The following CAPN9 variants were observed in gnomAD, a reference collection of about 807,000 sequenced individuals.
CAPN9 encodes calpain-9.
CAPN9 carries 81 observed loss-of-function variants against 92.8 expected under a neutral mutation model. That is an observed-to-expected ratio of 0.87 (90% confidence interval 0.73 to 1.05). The LOEUF (loss-of-function observed/expected upper bound fraction) is 1.05, where lower values mean the gene tolerates loss of function less well. Ranked by LOEUF, CAPN9 falls within the 50% of genes least tolerant of loss-of-function variation. The probability of loss-of-function intolerance (pLI) is 0.00; values close to 1 mark genes in which losing one functional copy is unlikely to be tolerated. For missense variants in CAPN9, 848 were observed against 866.2 expected (o/e 0.98, Z 0.26); for synonymous variants, 304 against 328.0 (o/e 0.93, Z 0.79).
intron 13 of CAPN9, among the ~76,000 whole-genome samples, chr1:230,788,564 G>A (rs1667765457): frequency 6.6e-6 from 1 of 152,042 alleles, no homozygotes; most frequent in Non-Finnish European, 1.5e-5. Context: ...GTCACCTGGA[G>A]GGGTGATATC....
At chr1:230,764,411 C>A (rs1490787325) in intron 4 of CAPN9, among the ~76,000 whole-genome samples, 2 of 150,666 alleles carry the variant, frequency 1.3e-5, no homozygotes, top group Admixed American at 6.6e-5. Flanking sequence ...ACATCATCAA[C>A]CCCCCAATTC....
chr1:230,773,703 G>T (rs1666541099), intron 7 of CAPN9, among the ~76,000 whole-genome samples: 1 of 152,076 alleles, frequency 6.6e-6, no homozygotes, highest in African/African-American at 2.4e-5. Context: ...AGAAAATAAT[G>T]GCTGCCAGTT....
At chr1:230,751,284 C>G (rs1229484535) in intron 1 of CAPN9, among the ~76,000 whole-genome samples, 3 of 152,166 alleles carry the variant, frequency 2.0e-5, no homozygotes, top group African/African-American at 7.2e-5. Context: ...CCCATGGCCT[C>G]CACAGTGCTG....
intron 1 of CAPN9, 116 bp from the exon 2 acceptor site, chr1:230,755,221 A>C (rs1017530972): frequency 6.4e-6 from 5 of 785,504 alleles, no homozygotes; most frequent in East Asian, 2.7e-5. Flanking sequence ...CAGGGAAAAG[A>C]ATCAAGCACA....
At chr1:230,795,309 C>A (rs775335091) in intron 18 of CAPN9, 30 bp downstream of exon 18, 1 of 1,390,134 alleles carries the variant, frequency 7.2e-7, no homozygotes, top group Non-Finnish European at 1.0e-6. Context: ...GAGGGTGCAC[C>A]TCGGGGTGGC....
rs28359718 is a variant in CAPN9 at position 230,793,071 on chromosome 1, T to C, written c.1870+143T>C. The C allele has an allele frequency of 6.5e-5, 43 of 661,670 alleles. 1 individual carries two copies. The East Asian group carries it at 1.1e-3, about 17-fold the overall frequency. The allele number at this position is 661,670 out of a possible 1,614,324, so 41.0% of individuals were successfully genotyped here. A position where few individuals can be genotyped will look rare whatever the true frequency, so the allele number is the denominator to read the frequency against. ...TGGTGATTCTTAAGGTCACGGCCCT[T>C]GGAGTGGTGGCACCAGGGTTCAGAC... On this transcript the variant is annotated intron_variant, in intron 17 of 19. Coordinates refer to ENST00000271971, the MANE Select transcript of CAPN9 (RefSeq NM_006615.3).
At chr1:230,797,798 G>A (rs1181244989) in intron 18 of CAPN9, among the ~76,000 whole-genome samples, 1 of 152,210 alleles carries the variant, frequency 6.6e-6, no homozygotes, top group Non-Finnish European at 1.5e-5. Flanking sequence ...ACAACTTTCA[G>A]ATTCATGCAA....
At chr1:230,782,273 C>G (rs997975286) in intron 11 of CAPN9, among the ~76,000 whole-genome samples, 7 of 152,202 alleles carry the variant, frequency 4.6e-5, no homozygotes, top group African/African-American at 1.7e-4. Flanking sequence ...AACAAAAATT[C>G]ACACTGAGCT....
chr1:230,787,631 AC>A lies in CAPN9; in HGVS notation c.1599+31del, dbSNP rs760138747. 5.0e-6 allele frequency: 8 copies of A among 1,600,646 alleles called. No homozygotes were observed. The African/African-American group carries it at 9.4e-5, about 19-fold the overall frequency. ...GGACATGCCCCACTTCCATCTCCCCACCAGGCTGAGGGCCTGGACCTGCTTC... is the reference window on the plus strand; with the variant it reads ...GGACATGCCCCACTTCCATCTCCCCACAGGCTGAGGGCCTGGACCTGCTTC... On this transcript the variant is annotated intron_variant, in intron 13 of 19. Coordinates refer to ENST00000271971, the MANE Select transcript of CAPN9 (RefSeq NM_006615.3).
rs1419062333 is a variant in CAPN9 at position 230,762,710 on chromosome 1, A to G, written c.460A>G (p.Arg154Gly). 1 of 1,614,028 alleles carries G rather than the reference A, an allele frequency of 6.2e-7. No homozygotes were observed. The highest frequency in any genetic ancestry group is 8.5e-7 in the Non-Finnish European group (1 of 1,180,008). The part of the protein sequence containing the change: ...VVIDDRLPTF[R>G]DRLVFLHSAD... ...GATCGATGACCGCCTGCCCACCTTC[A>G]GGGACCGCTTGGTTTTCCTCCACTC... Residue 154 changes from arginine (R) to glycine (G), a missense_variant, in exon 4 of 20, where the codon AGG becomes GGG. Physicochemically the swap from Arg to Gly is moderately radical, Grantham distance 125. Coordinates refer to ENST00000271971, the MANE Select transcript of CAPN9 (RefSeq NM_006615.3).
chr1:230,774,699 A>C (rs921768026), intron 8 of CAPN9, 68 bp downstream of exon 8: 32 of 991,164 alleles, frequency 3.2e-5, no homozygotes, highest in Non-Finnish European at 4.5e-5. Flanking sequence ...CGTAAGGAGC[A>C]CTGTGCTTCT....
At chr1:230,801,287 C>T (rs1443200653) in intron 19 of CAPN9, among the ~76,000 whole-genome samples, 10 of 152,290 alleles carry the variant, frequency 6.6e-5, no homozygotes, top group Non-Finnish European at 1.5e-4. Context: ...CGAGGCTGTC[C>T]TCTTAACAGG....
chr1:230,792,495 G>T lies in CAPN9; in HGVS notation c.1791+1G>T. On this transcript the variant is annotated splice_donor_variant, in intron 16 of 19. Transcript: ENST00000271971. LOFTEE classifies it high-confidence loss of function. ...CTGGGACAAGCTGAAGCAGTGGATT[G>T]TATGTAACCTGGAGCAGGGCTTGGC... is the stretch of plus-strand genomic sequence containing the variant. 1 of 1,612,890 alleles carries T rather than the reference G, an allele frequency of 6.2e-7. No individual in the cohort carries two copies. Among genetic ancestry groups the T allele is most frequent in the Non-Finnish European group, 8.5e-7 (1 of 1,178,820 alleles).
At chr1:230,773,496 T>G (rs3790975) in intron 7 of CAPN9, among the ~76,000 whole-genome samples, 11,328 of 152,144 alleles carry the variant, frequency 0.074, 532 homozygotes, top group Middle Eastern at 0.14. Context: ...ATCAAGAAAG[T>G]GACTGAGAGC....
At chr1:230,781,032 A>AT (rs577951761) in intron 11 of CAPN9, among the ~76,000 whole-genome samples, 6 of 151,282 alleles carry the variant, frequency 4.0e-5, no homozygotes, top group African/African-American at 1.2e-4. Context: ...CACCTGGCTA[A>AT]TTTTTTTTGT....
At chr1:230,794,223 C>T (rs984223906) in intron 17 of CAPN9, among the ~76,000 whole-genome samples, 25 of 152,284 alleles carry the variant, frequency 1.6e-4, no homozygotes, top group South Asian at 6.2e-4. Context: ...GTGGCTCACA[C>T]CTGTAATGCT....
At chr1:230,769,489 G>A (rs1031129781) in intron 6 of CAPN9, among the ~76,000 whole-genome samples, 1 of 152,168 alleles carries the variant, frequency 6.6e-6, no homozygotes, top group African/African-American at 2.4e-5. Flanking sequence ...TAAGCGCCTG[G>A]TCTTTGTTTA....
At position 230,801,638 on chromosome 1, in the gene CAPN9, C is replaced by T. The variant is rs781170614; in HGVS notation, c.*42C>T. 1.0e-5 allele frequency: 16 copies of T among 1,593,670 alleles called. No homozygotes were observed. The highest frequency in any genetic ancestry group is 9.5e-6 in the Non-Finnish European group (11 of 1,161,364). ...TGCAGCCTGCCCAGCTGAATCTTGG[C>T]TTCTGGACCTTGACCTTCAGAACTT... On this transcript the variant is annotated 3_prime_UTR_variant, in exon 20 of 20. Coordinates refer to ENST00000271971, the MANE Select transcript of CAPN9 (RefSeq NM_006615.3).
intron 1 of CAPN9, among the ~76,000 whole-genome samples, chr1:230,751,601 GA>G (rs1264467789): frequency 8.4e-5 from 1 of 11,858 alleles, no homozygotes; most frequent in African/African-American, 3.3e-4. Context: ...AAGAAAGAAA[GA>G]AAGAAAGAGA....
Sources: gnomAD v4.1 joint callset for allele counts (sites outside exome capture counted in the v4.1 genomes callset) on GRCh38, gnomAD v4.1.1 for gene constraint, MANE v1.5 for transcripts, NCBI Gene and HGNC (gene_info 2026-07-23, HGNC 2026-07-21) for gene names.